Variants in CHSY3 observed in about 807,000 individuals in gnomAD.
The protein encoded by CHSY3 is chondroitin sulfate synthase 3.
A neutral mutation model predicts 67.2 loss-of-function variants in CHSY3; 35 were observed. That is an observed-to-expected ratio of 0.52 (90% confidence interval 0.40 to 0.69). The LOEUF (loss-of-function observed/expected upper bound fraction) is 0.69, where lower values mean the gene tolerates loss of function less well. Among genes scored for constraint, CHSY3 ranks in the 30% least tolerant of loss-of-function variants. CHSY3 has a pLI of 0.00. For synonymous variants in CHSY3, 474 were observed against 434.7 expected, an observed-to-expected ratio of 1.09 and a Z score of -1.12; for missense variants, 1,069 against 1,138.5, an observed-to-expected ratio of 0.94 and a Z score of 0.88.
chr5:130,161,872 C>G (rs1031653469), intron 2 of CHSY3, among the ~76,000 whole-genome samples: 5 of 151,674 alleles, frequency 3.3e-5, no homozygotes, highest in African/African-American at 4.8e-5. Flanking sequence ...AACCCTGTCT[C>G]TACTGAAAAT....
At chr5:130,045,512 G>A (rs2149667920) in intron 2 of CHSY3, among the ~76,000 whole-genome samples, 1 of 152,176 alleles carries the variant, frequency 6.6e-6, no homozygotes, top group East Asian at 1.9e-4. Flanking sequence ...GATCCTGGAG[G>A]TCTGGTTGCT....
chr5:129,938,181 A>T (rs1349453405), intron 2 of CHSY3, among the ~76,000 whole-genome samples: 1 of 152,168 alleles, frequency 6.6e-6, no homozygotes, highest in Admixed American at 6.5e-5. Flanking sequence ...GGTCCCTTTT[A>T]GCCATGGCTA....
chr5:130,063,645 A>AT (rs1765782999), intron 2 of CHSY3, among the ~76,000 whole-genome samples: 2 of 152,156 alleles, frequency 1.3e-5, no homozygotes, highest in South Asian at 4.1e-4. Context: ...CCACAACCGA[A>AT]TACCACAGAC....
intron 2 of CHSY3, among the ~76,000 whole-genome samples, chr5:130,103,075 G>T (rs756604917): frequency 9.2e-5 from 14 of 152,026 alleles, no homozygotes; most frequent in Admixed American, 2.6e-4. Context: ...GAGGCTTGGT[G>T]CTTCCTGGGA....
intron 2 of CHSY3, among the ~76,000 whole-genome samples, chr5:130,136,999 A>G (rs1281076312): frequency 6.6e-6 from 1 of 152,126 alleles, no homozygotes; most frequent in Admixed American, 6.6e-5. Context: ...CTGGCTCCAA[A>G]CAATATCAGA....
chr5:130,108,248 T>C (rs1767474748), intron 2 of CHSY3, among the ~76,000 whole-genome samples: 3 of 151,648 alleles, frequency 2.0e-5, no homozygotes, highest in South Asian at 2.1e-4. Flanking sequence ...GTTAGTGTTA[T>C]GTTTGAAGTT....
At chr5:130,036,309 A>G (rs1437673280) in intron 2 of CHSY3, among the ~76,000 whole-genome samples, 1 of 152,116 alleles carries the variant, frequency 6.6e-6, no homozygotes, top group Non-Finnish European at 1.5e-5. Context: ...TATGATTTGC[A>G]TGCATTCTTA....
At chr5:130,091,146 G>GCGCA (rs1554082166) in intron 2 of CHSY3, among the ~76,000 whole-genome samples, 34 of 149,548 alleles carry the variant, frequency 2.3e-4, no homozygotes, top group South Asian at 4.2e-4. Flanking sequence ...GCACACGCGC[G>GCGCA]CACACACACA....
intron 2 of CHSY3, among the ~76,000 whole-genome samples, chr5:129,952,264 G>A (rs1762046211): frequency 6.6e-6 from 1 of 152,042 alleles, no homozygotes; most frequent in Non-Finnish European, 1.5e-5. Context: ...GGATAAGAGT[G>A]GTAAGCAGTA....
intron 2 of CHSY3, among the ~76,000 whole-genome samples, chr5:130,071,467 AAC>A (rs1262528522): frequency 6.6e-6 from 1 of 151,888 alleles, no homozygotes; most frequent in South Asian, 2.1e-4. Context: ...GAGAAAACAA[AAC>A]AGTTTATTTT....
intron 2 of CHSY3, among the ~76,000 whole-genome samples, chr5:130,149,436 G>A (rs907768466): frequency 3.9e-5 from 6 of 152,162 alleles, no homozygotes; most frequent in African/African-American, 7.2e-5. Flanking sequence ...AGGAGCAAGA[G>A]AGAATGGGGG....
At chr5:129,946,301 C>T (rs1191028238) in intron 2 of CHSY3, among the ~76,000 whole-genome samples, 2 of 152,072 alleles carry the variant, frequency 1.3e-5, no homozygotes, top group Non-Finnish European at 2.9e-5. Context: ...GAAGTAAGCA[C>T]ATTTCCAAAA....
Position 129,982,591 on chromosome 5 carries a change from G to A in CHSY3, c.1086+74231G>A, listed in dbSNP as rs983976530. ...TATTTTTTTAAAGGGTAAAGAACAG[G>A]TACTATATTTAATACCATATCTTTC... On this transcript the variant is annotated intron_variant, in intron 2 of 2. Transcript: ENST00000305031. Among the ~76,000 whole-genome samples the A allele has an allele frequency of 7.9e-5, 12 of 151,716 alleles. 1 individual carries two copies. Among genetic ancestry groups the A allele is most frequent in the Admixed American group, 2.6e-4 (4 of 15,228 alleles).
intron 2 of CHSY3, among the ~76,000 whole-genome samples, chr5:129,949,199 G>A (rs1007051079): frequency 1.3e-5 from 2 of 151,972 alleles, no homozygotes; most frequent in Admixed American, 6.6e-5. Context: ...TAATAGTGGG[G>A]GACTTCAATA....
intron 2 of CHSY3, among the ~76,000 whole-genome samples, chr5:129,983,652 T>C (rs1275199254): frequency 6.6e-6 from 1 of 152,038 alleles, no homozygotes; most frequent in East Asian, 1.9e-4. Flanking sequence ...TAGATACTAA[T>C]GACAGAACTA....
chr5:130,018,115 T>C (rs1454797964), intron 2 of CHSY3, among the ~76,000 whole-genome samples: 2 of 152,168 alleles, frequency 1.3e-5, no homozygotes, highest in East Asian at 3.9e-4. Context: ...TACTCAACTA[T>C]TTTGTTTTTC....
Position 130,185,919 on chromosome 5 carries a change from T to C in CHSY3, c.*128T>C. ...TAATTTTATTTTGTTGTCCTGGTCT[T>C]AAACTACTCTTGGTTGTCTTCCTAA... On this transcript the variant is annotated 3_prime_UTR_variant, in exon 3 of 3. Transcript: ENST00000305031. 1 of 499,532 alleles carries C rather than the reference T, an allele frequency of 2.0e-6. No individual in the cohort carries two copies. The allele number at this position is 499,532 out of a possible 1,614,324, so 30.9% of individuals were successfully genotyped here.
At chr5:130,050,729 A>G (rs1033405950) in intron 2 of CHSY3, among the ~76,000 whole-genome samples, 3 of 152,156 alleles carry the variant, frequency 2.0e-5, no homozygotes, top group African/African-American at 2.4e-5. Flanking sequence ...CACTAGGCCT[A>G]TGTAAATGTA....
At chr5:130,011,931 A>G (rs1243156537) in intron 2 of CHSY3, among the ~76,000 whole-genome samples, 1 of 152,216 alleles carries the variant, frequency 6.6e-6, no homozygotes, top group Admixed American at 6.5e-5. Flanking sequence ...CTAAACAAGA[A>G]TTACAAAACA....
Sources: allele counts gnomAD v4.1 joint callset (sites outside exome capture counted in the v4.1 genomes callset), GRCh38; gene constraint gnomAD v4.1.1; transcripts MANE v1.5; gene names NCBI Gene and HGNC (gene_info 2026-07-23, HGNC 2026-07-21).